Variants in TLN2 observed in about 807,000 individuals in gnomAD.
TLN2 encodes talin 2.
In TLN2, 118 loss-of-function variants were observed where a neutral mutation model predicts 294.7. That is an observed-to-expected ratio of 0.40 (90% CI 0.34 to 0.47). The LOEUF (loss-of-function observed/expected upper bound fraction) is 0.47, where lower values mean the gene tolerates loss of function less well. Ranked by LOEUF, TLN2 falls within the 20% of genes least tolerant of loss-of-function variation. TLN2 has a pLI of 0.84. For missense variants in TLN2, 3,083 were observed against 3,282.2 expected (o/e 0.94, Z 1.48); for synonymous variants, 1,431 against 1,304.5 (o/e 1.10, Z -2.09).
At chr15:62,729,819 CT>C (rs1329627949) in intron 28 of TLN2, among the ~76,000 whole-genome samples, 2 of 151,964 alleles carry the variant, frequency 1.3e-5, no homozygotes, top group East Asian at 1.9e-4. Context: ...TGGTAAGTTC[CT>C]TTTTTTCCCC....
At chr15:62,799,361 T>A (rs2065766351) in intron 48 of TLN2, among the ~76,000 whole-genome samples, 2 of 152,066 alleles carry the variant, frequency 1.3e-5, no homozygotes, top group African/African-American at 4.8e-5. Context: ...GAAATAGGAG[T>A]TACTGGAGCT....
intron 21 of TLN2, among the ~76,000 whole-genome samples, chr15:62,711,199 G>A (rs1034706118): frequency 2.6e-5 from 4 of 152,244 alleles, no homozygotes; most frequent in Non-Finnish European, 5.9e-5. Flanking sequence ...GATTTGAATC[G>A]TTCTATTTTT....
intron 3 of TLN2, among the ~76,000 whole-genome samples, chr15:62,629,871 T>C (rs1031187108): frequency 1.3e-5 from 2 of 152,196 alleles, no homozygotes; most frequent in African/African-American, 4.8e-5. Context: ...TCCTAATACA[T>C]TGAAGCTTTG....
intron 3 of TLN2, among the ~76,000 whole-genome samples, chr15:62,620,772 ACACC>A (rs2048732875): frequency 6.8e-6 from 1 of 146,710 alleles, no homozygotes; most frequent in African/African-American, 2.5e-5. Flanking sequence ...GTGAGCCACC[ACACC>A]CAGCCCCAAA....
intron 1 of TLN2, among the ~76,000 whole-genome samples, chr15:62,562,965 CACACA>C (rs1596141958): frequency 7.4e-6 from 1 of 134,902 alleles, no homozygotes; most frequent in East Asian, 2.2e-4. Flanking sequence ...CACACACACA[CACACA>C]CCAGTTTCTT....
intron 1 of TLN2, among the ~76,000 whole-genome samples, chr15:62,579,526 T>TG (rs2044725640): frequency 6.6e-6 from 1 of 152,218 alleles, no homozygotes; most frequent in Non-Finnish European, 1.5e-5. Context: ...CTGAGAAGAC[T>TG]CACAGTACAC....
At position 62,797,747 on chromosome 15, in the gene TLN2, G is replaced by A. The variant is rs188512997; in HGVS notation, c.6234+345G>A. Among the ~76,000 whole-genome samples the A allele has an allele frequency of 1.5e-4, 23 of 152,318 alleles. No homozygotes were observed. The East Asian group carries it at 4.5e-3, about 29-fold the overall frequency. On this transcript the variant is annotated intron_variant, in intron 48 of 58. Coordinates refer to ENST00000636159, the MANE Select transcript of TLN2 (RefSeq NM_015059.3). ...AGCAGGGCACAGGAGCTCCCTGAAG[G>A]GAGAGCTGGTGTGGGCAGGGGGAGG...
chr15:62,725,455 A>G (rs1051275422), intron 27 of TLN2, among the ~76,000 whole-genome samples: 1 of 152,224 alleles, frequency 6.6e-6, no homozygotes, highest in African/African-American at 2.4e-5. Flanking sequence ...AAGCACTAGG[A>G]TGGACAACGG....
At chr15:62,397,021 A>T (rs1289792417) in intron 1 of TLN2, among the ~76,000 whole-genome samples, 2 of 152,090 alleles carry the variant, frequency 1.3e-5, no homozygotes, top group East Asian at 3.9e-4. Flanking sequence ...GCCTTTCTAG[A>T]TAGCAGCAGC....
At chr15:62,813,057 C>T (rs933681868) in intron 52 of TLN2, among the ~76,000 whole-genome samples, 5 of 152,348 alleles carry the variant, frequency 3.3e-5, no homozygotes, top group Admixed American at 2.0e-4. Context: ...GATCTCATCT[C>T]ATGGAGGCTG....
At position 62,813,816 on chromosome 15, in the gene TLN2, G is replaced by C. The variant is rs900606065; in HGVS notation, c.6771+3784G>C. 3.1e-4 allele frequency among the ~76,000 whole-genome samples: 44 copies of C among 142,032 alleles called. 1 individual carries two copies. The highest frequency in any genetic ancestry group is 2.1e-4 in the Admixed American group (3 of 14,406). 93.2% of individuals were successfully genotyped at this position (142,032 alleles called of 152,430 possible). A position where few individuals can be genotyped will look rare whatever the true frequency, so the allele number is the denominator to read the frequency against. On this transcript the variant is annotated intron_variant, in intron 52 of 58. Transcript: ENST00000636159. Reference sequence around the variant, plus strand: ...TGAAGGCTTTTATTCATGCATATGGGCTTTTTTTTTTTTTGGAGACAGAGT... The same window carrying C: ...TGAAGGCTTTTATTCATGCATATGGCCTTTTTTTTTTTTTGGAGACAGAGT...
At chr15:62,507,068 T>C (rs1031551080) in intron 1 of TLN2, among the ~76,000 whole-genome samples, 1 of 152,194 alleles carries the variant, frequency 6.6e-6, no homozygotes, top group African/African-American at 2.4e-5. Flanking sequence ...TTAGAAATAA[T>C]TTTAAGATTA....
chr15:62,538,194 G>T (rs2041471470), intron 1 of TLN2, among the ~76,000 whole-genome samples: 1 of 152,000 alleles, frequency 6.6e-6, no homozygotes, highest in Admixed American at 6.6e-5. Flanking sequence ...GCACTCCAGA[G>T]CCTGGGCAAC....
intron 47 of TLN2, among the ~76,000 whole-genome samples, chr15:62,796,690 A>G (rs1392067609): frequency 6.6e-6 from 1 of 152,082 alleles, no homozygotes; most frequent in Admixed American, 6.5e-5. Context: ...CTCAGCTTGC[A>G]CTCAGCCTCT....
chr15:62,640,434 A>G, intron 3 of TLN2: 2 of 444,916 alleles, frequency 4.5e-6, no homozygotes, highest in Non-Finnish European at 9.0e-6. Context: ...CCATTGAGGT[A>G]TGGTAGCCTG....
chr15:62,463,614 G>A (rs1338010581), intron 1 of TLN2, among the ~76,000 whole-genome samples: 1 of 152,166 alleles, frequency 6.6e-6, no homozygotes, highest in African/African-American at 2.4e-5. Context: ...AGGCCGGCGC[G>A]GTGCCTCACG....
At chr15:62,549,350 G>C (rs1295176000) in intron 1 of TLN2, among the ~76,000 whole-genome samples, 1 of 152,024 alleles carries the variant, frequency 6.6e-6, no homozygotes, top group African/African-American at 2.4e-5. Flanking sequence ...ATTGAGGCTG[G>C]TTTCTAATAC....
chr15:62,702,886 A>G (rs1459023201), intron 19 of TLN2, 22 bp downstream of exon 19: 4 of 1,607,264 alleles, frequency 2.5e-6, no homozygotes, highest in South Asian at 1.1e-5. Context: ...GCAGGCTTAT[A>G]GTCATGGAAA....
At chr15:62,730,396 C>T (rs1176215922) in intron 28 of TLN2, among the ~76,000 whole-genome samples, 9 of 152,098 alleles carry the variant, frequency 5.9e-5, no homozygotes, top group Admixed American at 5.9e-4. Flanking sequence ...AGTGTTGTTC[C>T]AGATAGTCCT....
Sources: gnomAD v4.1 joint callset for allele counts (sites outside exome capture counted in the v4.1 genomes callset) on GRCh38, gnomAD v4.1.1 for gene constraint, MANE v1.5 for transcripts, NCBI Gene and HGNC (gene_info 2026-07-23, HGNC 2026-07-21) for gene names.